Variants in ISX observed in about 807,000 individuals in gnomAD.
ISX encodes intestine specific homeobox.
In ISX, 15 loss-of-function variants were observed where a neutral mutation model predicts 16.9. The observed-to-expected ratio is 0.89, with a 90% CI of 0.59 to 1.36. ISX has a LOEUF of 1.36. Among genes scored for constraint, ISX ranks in the 40% most tolerant of loss-of-function variants. The pLI is 0.00. For missense variants in ISX, 316 were observed against 306.1 expected, an observed-to-expected ratio of 1.03 and a Z score of -0.24; for synonymous variants, 125 against 119.7, an observed-to-expected ratio of 1.04 and a Z score of -0.29.
chr22:35,070,242 A>G (rs1484626176), intron 2 of ISX, among the ~76,000 whole-genome samples: 1 of 152,202 alleles, frequency 6.6e-6, no homozygotes, highest in Non-Finnish European at 1.5e-5. Flanking sequence ...GGACCCTCCC[A>G]GGTCTTAAAA....
intron 2 of ISX, among the ~76,000 whole-genome samples, chr22:35,069,728 T>C (rs140453575): frequency 2.3e-3 from 357 of 152,258 alleles, no homozygotes; most frequent in Non-Finnish European, 3.9e-3. Flanking sequence ...CTTCCCTGTT[T>C]TACGTCCCTC....
rs1929245301 is a variant in ISX, at chr22:35,085,940, T to C, written c.*247T>C. 1 of 553,098 alleles carries C rather than the reference T, an allele frequency of 1.8e-6. No individual in the cohort carries two copies. Among genetic ancestry groups the C allele is most frequent in the South Asian group, 2.1e-5 (1 of 48,488 alleles). 34.3% of individuals were successfully genotyped at this position (553,098 alleles called of 1,614,324 possible). On this transcript the variant is annotated 3_prime_UTR_variant, in exon 5 of 5. Coordinates refer to ENST00000404699, the MANE Select transcript of ISX (RefSeq NM_001303508.2). The stretch of plus-strand genomic sequence containing the variant: ...GGTTCAGAAGACAGGCTGGATGAGA[T>C]CTCAGGCCGAGCTCTGAAATAGGGA...
chr22:35,073,394 A>G (rs755849878), intron 2 of ISX, among the ~76,000 whole-genome samples: 2 of 152,160 alleles, frequency 1.3e-5, no homozygotes, highest in Non-Finnish European at 2.9e-5. Flanking sequence ...CCAGCACATA[A>G]CATTTATTGT....
intron 2 of ISX, among the ~76,000 whole-genome samples, chr22:35,076,458 A>G (rs1928982301): frequency 1.3e-5 from 2 of 152,174 alleles, no homozygotes; most frequent in South Asian, 4.1e-4. Flanking sequence ...GACTAGCGAA[A>G]TGAGGCCAGC....
chr22:35,075,353 G>A (rs1047632971), intron 2 of ISX, among the ~76,000 whole-genome samples: 2 of 152,250 alleles, frequency 1.3e-5, no homozygotes, highest in Non-Finnish European at 2.9e-5. Context: ...AAGGTCAGGT[G>A]TGTCAAGCCA....
In ISX at chr22:35,066,258, G is replaced by GT. The variant is rs1301099772; in HGVS notation, c.-540dup. On this transcript the variant is annotated 5_prime_UTR_variant, in exon 1 of 5. Transcript: ENST00000404699. ...GAGAGGTACCCTGGGTCAGGCGCTT[G>GT]TGGAGAGAGGGCTTCGCATGTAAAG... The GT allele has an allele frequency of 6.6e-6, 1 of 152,430 alleles. No individual in the cohort carries two copies. The highest frequency in any genetic ancestry group is 6.5e-5 in the Admixed American group (1 of 15,282). 9.4% of individuals were successfully genotyped at this position (152,430 alleles called of 1,614,324 possible).
In ISX at chr22:35,066,938, A is replaced by G; in HGVS notation, c.-150A>G. ...GACCTGCCCATGGAAGTCCCTGTGG[A>G]CACGAAATCCTGTTTGGATCATCTA... On this transcript the variant is annotated 5_prime_UTR_variant, in exon 2 of 5. Coordinates refer to ENST00000404699, the MANE Select transcript of ISX (RefSeq NM_001303508.2). 1.6e-6 allele frequency: 1 copy of G among 613,434 alleles called. No individual in the cohort carries two copies. Among genetic ancestry groups the G allele is most frequent in the Non-Finnish European group, 2.9e-6 (1 of 347,726 alleles). The allele number at this position is 613,434 out of a possible 1,614,324, so 38.0% of individuals were successfully genotyped here. A position where few individuals can be genotyped will look rare whatever the true frequency, so the allele number is the denominator to read the frequency against.
intron 2 of ISX, among the ~76,000 whole-genome samples, chr22:35,074,906 T>G (rs970126231): frequency 6.6e-6 from 1 of 152,138 alleles, no homozygotes; most frequent in Non-Finnish European, 1.5e-5. Context: ...CACGCACACA[T>G]GCACACAACT....
chr22:35,072,561 G>A (rs1364848607), intron 2 of ISX, among the ~76,000 whole-genome samples: 2 of 152,176 alleles, frequency 1.3e-5, no homozygotes, highest in African/African-American at 4.8e-5. Flanking sequence ...AGGTCTGGGT[G>A]ATACAAGCCA....
At position 35,082,538 on chromosome 22, in the gene ISX, A is replaced by G; in HGVS notation, c.250A>G (p.Arg84Gly). 1.2e-6 allele frequency: 2 copies of G among 1,614,130 alleles called. No individual in the cohort carries two copies. The highest frequency in any genetic ancestry group is 1.7e-6 in the Non-Finnish European group (2 of 1,179,988). ...TGCAGAAGGAAGGAAGAGCAAGCGG[A>G]GGGTTCGTACCACCTTCACCACTGA... ...QPQEGRKSKR[R>G]VRTTFTTEQL... Residue 84 changes from arginine to glycine, a missense_variant, in exon 3 of 5, where the codon AGG (arginine) becomes GGG (glycine). Transcript: ENST00000404699.
chr22:35,067,743 A>G (rs931864899), intron 2 of ISX, among the ~76,000 whole-genome samples: 2 of 152,218 alleles, frequency 1.3e-5, no homozygotes, highest in Non-Finnish European at 2.9e-5. Context: ...AAGCCCCGCT[A>G]TCAGGACCTG....
At chr22:35,079,178 C>A in intron 2 of ISX, among the ~76,000 whole-genome samples, 1 of 152,228 alleles carries the variant, frequency 6.6e-6, no homozygotes, top group South Asian at 2.1e-4. Context: ...CACTGAGTGT[C>A]TACTCCAATT....
intron 2 of ISX, among the ~76,000 whole-genome samples, chr22:35,076,984 C>T (rs1388375432): frequency 1.3e-5 from 2 of 152,164 alleles, no homozygotes; most frequent in African/African-American, 4.8e-5. Flanking sequence ...GCTTTGACCA[C>T]CTGCTTCTCG....
chr22:35,083,097 G>A (rs959458275), intron 3 of ISX, among the ~76,000 whole-genome samples: 1 of 152,200 alleles, frequency 6.6e-6, no homozygotes, highest in Non-Finnish European at 1.5e-5. Flanking sequence ...ACCAGGCCAA[G>A]GTAGCACAAA....
chr22:35,073,568 A>G (rs977460185), intron 2 of ISX, among the ~76,000 whole-genome samples: 1 of 152,322 alleles, frequency 6.6e-6, no homozygotes, highest in South Asian at 2.1e-4. Context: ...AATTGTGGCA[A>G]GTGCTGGGGA....
At chr22:35,072,738 G>A (rs962206272) in intron 2 of ISX, among the ~76,000 whole-genome samples, 4 of 152,174 alleles carry the variant, frequency 2.6e-5, no homozygotes, top group Non-Finnish European at 5.9e-5. Context: ...TATCTACTGC[G>A]TGCCAGGCAT....
chr22:35,074,770 C>A (rs374363248), intron 2 of ISX, among the ~76,000 whole-genome samples: 6 of 152,322 alleles, frequency 3.9e-5, no homozygotes, highest in African/African-American at 1.4e-4. Context: ...CTTGAAACAT[C>A]CCCTGACTGC....
chr22:35,066,463 G>T lies in ISX; in HGVS notation c.-337+1G>T, dbSNP rs1449293398. On this transcript the variant is annotated splice_donor_variant, in intron 1 of 4. Transcript: ENST00000404699. LOFTEE classifies it low-confidence loss of function (5UTR_SPLICE). ...CAGCAGGAGCACTGATGCGCTGAAG[G>T]TACGTTCTGGAGTCTGGAAGCAGCA... The T allele has an allele frequency of 6.5e-6, 1 of 153,590 alleles. No individual in the cohort carries two copies. The highest frequency in any genetic ancestry group is 1.4e-5 in the Non-Finnish European group (1 of 68,990). The allele number at this position is 153,590 out of a possible 1,614,324, so 9.5% of individuals were successfully genotyped here.
intron 2 of ISX, among the ~76,000 whole-genome samples, chr22:35,071,094 C>T (rs1225944152): frequency 1.3e-5 from 2 of 152,214 alleles, no homozygotes; most frequent in Non-Finnish European, 2.9e-5. Flanking sequence ...CAGACTGGCC[C>T]TGTTCATCCC....
Sources: allele counts gnomAD v4.1 joint callset (sites outside exome capture counted in the v4.1 genomes callset), GRCh38; gene constraint gnomAD v4.1.1; transcripts MANE v1.5; gene names NCBI Gene and HGNC (gene_info 2026-07-23, HGNC 2026-07-21).